The following ARNT2 variants were observed in gnomAD, a reference collection of about 807,000 sequenced individuals.
The protein encoded by ARNT2 is ARNT protein 2.
Under a neutral mutation model 91.7 loss-of-function variants are expected in ARNT2, and 36 were observed. That is an observed-to-expected ratio of 0.39 (90% confidence interval 0.30 to 0.52). The LOEUF (loss-of-function observed/expected upper bound fraction) is 0.52, where lower values mean the gene tolerates loss of function less well. ARNT2 is among the 20% of genes least tolerant of loss of function. The probability of loss-of-function intolerance (pLI) is 0.72; values close to 1 mark genes in which losing one functional copy is unlikely to be tolerated. For missense variants in ARNT2, 775 were observed against 939.3 expected (o/e 0.83, Z 2.29); for synonymous variants, 365 against 347.1 (o/e 1.05, Z -0.57).
intron 5 of ARNT2, among the ~76,000 whole-genome samples, chr15:80,504,492 AGCACAG>A: frequency 6.7e-6 from 1 of 149,134 alleles, no homozygotes; most frequent in Non-Finnish European, 1.5e-5. Flanking sequence ...AAGTCAGCTA[AGCACAG>A]TGGCTCACGC....
chr15:80,446,566 C>A (rs1896307808), intron 1 of ARNT2, among the ~76,000 whole-genome samples: 1 of 152,216 alleles, frequency 6.6e-6, no homozygotes, highest in African/African-American at 2.4e-5. Flanking sequence ...GGGACAGGGA[C>A]CCCACAGTGG....
chr15:80,440,136 C>T lies in ARNT2; in HGVS notation c.32-10744C>T, dbSNP rs151233970. Among the ~76,000 whole-genome samples the T allele has an allele frequency of 4.1e-3, 622 of 152,290 alleles. 8 individuals carry two copies. The highest frequency in any genetic ancestry group is 0.014 in the African/African-American group (594 of 41,550). On this transcript the variant is annotated intron_variant, in intron 1 of 18. Transcript: ENST00000303329. ...ATTCAGTTCACTGACGGACACCAAT[C>T]CTTCCAACCTAGATGTTCTGGGCTG...
At chr15:80,475,323 G>A (rs1275364968) in intron 5 of ARNT2, 100 bp downstream of exon 5, 3 of 1,227,788 alleles carry the variant, frequency 2.4e-6, no homozygotes, top group East Asian at 2.5e-5. Context: ...GGGAGGCTGA[G>A]GCGGGTGGAT....
At position 80,536,858 on chromosome 15, in the gene ARNT2, G is replaced by T. The variant is rs117704576; in HGVS notation, c.878-14341G>T. Reference sequence around the variant, plus strand: ...TCCTGTCAGCTGAGATTTGTAAAGGGGTAATTTCCAGATGAATGAAGTGCT... The same window carrying T: ...TCCTGTCAGCTGAGATTTGTAAAGGTGTAATTTCCAGATGAATGAAGTGCT... On this transcript the variant is annotated intron_variant, in intron 8 of 18. Coordinates refer to ENST00000303329, the MANE Select transcript of ARNT2 (RefSeq NM_014862.4). Among the ~76,000 whole-genome samples, 1,229 of 152,094 alleles carry T rather than the reference G, an allele frequency of 8.1e-3. 42 individuals carry two copies. Among genetic ancestry groups the T allele is most frequent in the East Asian group, 0.053 (274 of 5,152 alleles).
intron 17 of ARNT2, among the ~76,000 whole-genome samples, chr15:80,584,449 G>A (rs764876525): frequency 4.6e-5 from 7 of 152,106 alleles, no homozygotes; most frequent in African/African-American, 7.2e-5. Flanking sequence ...AGGGTTGTTC[G>A]TTAGTGAGGA....
intron 3 of ARNT2, among the ~76,000 whole-genome samples, chr15:80,458,928 G>A (rs1646841316): frequency 6.6e-6 from 1 of 152,162 alleles, no homozygotes; most frequent in South Asian, 2.1e-4. Flanking sequence ...GATGGCCTCA[G>A]TTGTTTTTGG....
At chr15:80,536,110 G>A (rs1172667383) in intron 8 of ARNT2, among the ~76,000 whole-genome samples, 3 of 152,172 alleles carry the variant, frequency 2.0e-5, no homozygotes, top group Admixed American at 6.5e-5. Flanking sequence ...GTAAATACCC[G>A]AGGTTCGTTG....
chr15:80,454,195 AC>A (rs756517446), intron 2 of ARNT2, among the ~76,000 whole-genome samples: 1 of 151,940 alleles, frequency 6.6e-6, no homozygotes, highest in Non-Finnish European at 1.5e-5. Context: ...GAAGCAAGTC[AC>A]CTGGAATGCA....
chr15:80,525,195 A>C (rs1897621091), intron 8 of ARNT2, among the ~76,000 whole-genome samples: 1 of 152,188 alleles, frequency 6.6e-6, no homozygotes, highest in South Asian at 2.1e-4. Flanking sequence ...TCTGCACTGG[A>C]TTTAGAAGTT....
intron 1 of ARNT2, among the ~76,000 whole-genome samples, chr15:80,432,549 A>G (rs1238785403): frequency 6.6e-6 from 1 of 152,154 alleles, no homozygotes. Flanking sequence ...TTTGTACCAT[A>G]ACTGCAGCGT....
intron 12 of ARNT2, among the ~76,000 whole-genome samples, chr15:80,564,076 T>C (rs1421169621): frequency 1.3e-5 from 2 of 152,272 alleles, no homozygotes; most frequent in East Asian, 1.9e-4. Flanking sequence ...GTGGAAGCCA[T>C]GGCCAGTGTG....
chr15:80,513,856 A>G, intron 6 of ARNT2, 55 bp from the exon 7 acceptor site: 1 of 1,445,710 alleles, frequency 6.9e-7, no homozygotes, highest in Non-Finnish European at 9.7e-7. Context: ...AGCACCATAT[A>G]TTGAATAAAC....
intron 1 of ARNT2, among the ~76,000 whole-genome samples, chr15:80,448,532 C>T (rs1363450952): frequency 1.3e-5 from 2 of 152,150 alleles, no homozygotes; most frequent in East Asian, 3.8e-4. Flanking sequence ...ACTTATATTG[C>T]CAAAACTATC....
chr15:80,573,070 T>A (rs1285512356), intron 12 of ARNT2, among the ~76,000 whole-genome samples: 1 of 152,190 alleles, frequency 6.6e-6, no homozygotes, highest in Non-Finnish European at 1.5e-5. Context: ...CCACAGTCCC[T>A]CATCTGGGTC....
intron 3 of ARNT2, 85 bp downstream of exon 3, chr15:80,458,061 G>T: frequency 6.9e-7 from 1 of 1,455,820 alleles, no homozygotes; most frequent in Non-Finnish European, 9.6e-7. Context: ...AACGTCTTTT[G>T]TCATTGCAAA....
chr15:80,408,878 T>C (rs1210691282), intron 1 of ARNT2, among the ~76,000 whole-genome samples: 1 of 152,238 alleles, frequency 6.6e-6, no homozygotes, highest in South Asian at 2.1e-4. Context: ...TTTATTTTAA[T>C]TAATTAATGA....
chr15:80,411,634 CAGA>C (rs1274316328), intron 1 of ARNT2, among the ~76,000 whole-genome samples: 1 of 152,166 alleles, frequency 6.6e-6, no homozygotes, highest in Non-Finnish European at 1.5e-5. Context: ...TCATTCTTCC[CAGA>C]AGAAGATTAG....
chr15:80,474,648 G>A (rs1222303155), intron 4 of ARNT2, among the ~76,000 whole-genome samples: 3 of 152,036 alleles, frequency 2.0e-5, no homozygotes, highest in African/African-American at 7.3e-5. Flanking sequence ...GGGCCCTTCT[G>A]CTCCAATGAC....
intron 5 of ARNT2, among the ~76,000 whole-genome samples, chr15:80,485,298 G>A (rs1896953041): frequency 6.6e-6 from 1 of 152,172 alleles, no homozygotes. Flanking sequence ...CTCAGGTAGA[G>A]GAGAGGGAAG....
Sources: allele counts gnomAD v4.1 joint callset (sites outside exome capture counted in the v4.1 genomes callset), GRCh38; gene constraint gnomAD v4.1.1; transcripts MANE v1.5; gene names NCBI Gene and HGNC (gene_info 2026-07-23, HGNC 2026-07-21).